The following CNIH3 variants were observed in gnomAD, a reference collection of about 807,000 sequenced individuals.
The protein encoded by CNIH3 is cornichon family AMPA receptor auxiliary protein 3.
In CNIH3, 14 loss-of-function variants were observed where a neutral mutation model predicts 24.1. The ratio of observed to expected loss-of-function variants is 0.58; its 90% CI spans 0.38 to 0.91. CNIH3 has a LOEUF of 0.91. Ranked by LOEUF, CNIH3 falls within the 40% of genes least tolerant of loss-of-function variation. The probability of loss-of-function intolerance (pLI) is 0.00; values close to 1 mark genes in which losing one functional copy is unlikely to be tolerated. For synonymous variants in CNIH3, 68 were observed against 73.8 expected (o/e 0.92, Z 0.40); for missense variants, 178 against 196.8 (o/e 0.90, Z 0.57).
chr1:224,488,557 C>T (rs1016885140), intron 1 of CNIH3, among the ~76,000 whole-genome samples: 1 of 152,016 alleles, frequency 6.6e-6, no homozygotes, highest in African/African-American at 2.4e-5. Context: ...AGCTCCTGGG[C>T]TCAAGCAATG....
At chr1:224,578,511 A>G (rs1042662327) in intron 4 of CNIH3, among the ~76,000 whole-genome samples, 3 of 151,964 alleles carry the variant, frequency 2.0e-5, no homozygotes, top group African/African-American at 7.3e-5. Flanking sequence ...GATCCCCTGT[A>G]TTCCGTATCC....
intron 4 of CNIH3, among the ~76,000 whole-genome samples, chr1:224,731,308 T>C (rs1194806088): frequency 1.3e-5 from 2 of 152,148 alleles, no homozygotes; most frequent in Non-Finnish European, 2.9e-5. Flanking sequence ...CCAGATGGGC[T>C]GGATTTTCTG....
chr1:224,637,869 C>T (rs1170960836), intron 1 of CNIH3, among the ~76,000 whole-genome samples: 1 of 152,212 alleles, frequency 6.6e-6, no homozygotes, highest in Admixed American at 6.5e-5. Flanking sequence ...CCCACACCCC[C>T]AGTCCCCCTG....
At chr1:224,481,922 C>G (rs1388199425) in intron 1 of CNIH3, among the ~76,000 whole-genome samples, 1 of 152,242 alleles carries the variant, frequency 6.6e-6, no homozygotes, top group Non-Finnish European at 1.5e-5. Flanking sequence ...GTGCTCTATT[C>G]TACTGTGGCT....
chr1:224,473,149 C>G (rs183229488), intron 1 of CNIH3, among the ~76,000 whole-genome samples: 1 of 152,028 alleles, frequency 6.6e-6, no homozygotes, highest in Non-Finnish European at 1.5e-5. Context: ...TTGCAAGCCT[C>G]ATGGTAACCT....
intron 1 of CNIH3, among the ~76,000 whole-genome samples, chr1:224,497,802 G>A (rs948028870): frequency 6.6e-6 from 1 of 152,168 alleles, no homozygotes; most frequent in Non-Finnish European, 1.5e-5. Flanking sequence ...GTGAAGCCCG[G>A]ATCTGGGCAA....
chr1:224,501,679 C>G (rs1677677892), intron 1 of CNIH3, among the ~76,000 whole-genome samples: 1 of 151,722 alleles, frequency 6.6e-6, no homozygotes, highest in Admixed American at 6.6e-5. Context: ...CTCCCAGGTT[C>G]AAGCGATTTT....
chr1:224,644,697 A>G (rs1025485023), intron 1 of CNIH3, among the ~76,000 whole-genome samples: 9 of 152,130 alleles, frequency 5.9e-5, no homozygotes, highest in South Asian at 2.1e-4. Flanking sequence ...TATGCCAAAC[A>G]ATTTTTTTCT....
chr1:224,574,157 C>T (rs1330432211), intron 4 of CNIH3, among the ~76,000 whole-genome samples: 2 of 152,154 alleles, frequency 1.3e-5, no homozygotes, highest in Non-Finnish European at 2.9e-5. Context: ...ACTTCAGTCT[C>T]TCTACCTATC....
chr1:224,504,236 C>T (rs1037391284), intron 1 of CNIH3, among the ~76,000 whole-genome samples: 27 of 152,254 alleles, frequency 1.8e-4, no homozygotes, highest in Admixed American at 5.9e-4. Flanking sequence ...AACCTACTTC[C>T]TAGCACCCTG....
chr1:224,499,903 AAAAAAAAAAAAG>A (rs1242898592), intron 1 of CNIH3, among the ~76,000 whole-genome samples: 25 of 147,084 alleles, frequency 1.7e-4, no homozygotes, highest in Admixed American at 1.7e-3. Context: ...ATCTCTACCA[AAAAAAAAAAAAG>A]AAAAAAGAAA....
intron 1 of CNIH3, among the ~76,000 whole-genome samples, chr1:224,620,239 A>C (rs1683215207): frequency 6.6e-6 from 1 of 152,258 alleles, no homozygotes. Flanking sequence ...CTTACTGCCC[A>C]GGCAGCCCTT....
At chr1:224,584,312 A>G (rs1299734893) in intron 5 of CNIH3, among the ~76,000 whole-genome samples, 1 of 152,234 alleles carries the variant, frequency 6.6e-6, no homozygotes, top group Non-Finnish European at 1.5e-5. Flanking sequence ...TTCCAGGTCT[A>G]ATTTGTCCTT....
chr1:224,495,566 C>T (rs1254994618), intron 1 of CNIH3, among the ~76,000 whole-genome samples: 1 of 152,162 alleles, frequency 6.6e-6, no homozygotes, highest in Non-Finnish European at 1.5e-5. Context: ...TGAATCACTC[C>T]ATAGATGCAG....
chr1:224,564,296 G>A (rs1351716807), intron 3 of CNIH3, among the ~76,000 whole-genome samples: 1 of 152,224 alleles, frequency 6.6e-6, no homozygotes, highest in East Asian at 1.9e-4. Flanking sequence ...GTCACTACCA[G>A]TTTGAACTAT....
chr1:224,659,383 T>G (rs574573917), intron 1 of CNIH3, among the ~76,000 whole-genome samples: 1 of 152,328 alleles, frequency 6.6e-6, no homozygotes, highest in African/African-American at 2.4e-5. Context: ...AATCAAAAAC[T>G]TAATAATGAT....
chr1:224,434,934 G>A, intron 1 of CNIH3: 2 of 985,640 alleles, frequency 2.0e-6, no homozygotes, highest in Non-Finnish European at 2.4e-6. Context: ...GGGGAGGGAG[G>A]CCAGCGGGCC....
At chr1:224,665,463 G>A (rs886743068) in intron 1 of CNIH3, among the ~76,000 whole-genome samples, 1 of 152,090 alleles carries the variant, frequency 6.6e-6, no homozygotes, top group Admixed American at 6.6e-5. Context: ...TATGAAGATG[G>A]GTAAACTCAT....
intron 2 of CNIH3, among the ~76,000 whole-genome samples, chr1:224,522,475 C>G (rs1350700893): frequency 2.0e-5 from 3 of 152,168 alleles, no homozygotes; most frequent in African/African-American, 4.8e-5. Context: ...AGTGAAAGCC[C>G]AAGCCACAGG....
Sources: allele counts gnomAD v4.1 joint callset (sites outside exome capture counted in the v4.1 genomes callset), GRCh38; gene constraint gnomAD v4.1.1; transcripts MANE v1.5; gene names NCBI Gene and HGNC (gene_info 2026-07-23, HGNC 2026-07-21).